DACH1: variants seen among roughly 807,000 people sequenced by gnomAD.
The protein encoded by DACH1 is dachshund family transcription factor 1, also known as dachshund homolog 1.
Under a neutral mutation model 54.2 loss-of-function variants are expected in DACH1, and 12 were observed. The observed-to-expected ratio is 0.22, with a 90% CI of 0.14 to 0.36. The LOEUF (loss-of-function observed/expected upper bound fraction) is 0.36, where lower values mean the gene tolerates loss of function less well. Ranked by LOEUF, DACH1 falls within the 10% of genes least tolerant of loss-of-function variation. The pLI, the probability that DACH1 is intolerant of heterozygous loss-of-function variation, is 1.00. For missense variants in DACH1, 805 were observed against 929.8 expected, an observed-to-expected ratio of 0.87 and a Z score of 1.75; for synonymous variants, 386 against 366.2, an observed-to-expected ratio of 1.05 and a Z score of -0.62.
chr13:71,780,255 G>A (rs1281742778), intron 1 of DACH1, among the ~76,000 whole-genome samples: 4 of 152,018 alleles, frequency 2.6e-5, no homozygotes, highest in African/African-American at 9.7e-5. Context: ...AGGGAACTGA[G>A]GAAGGTTCAG....
At chr13:71,862,172 T>G (rs1029641163) in intron 1 of DACH1, among the ~76,000 whole-genome samples, 1 of 151,918 alleles carries the variant, frequency 6.6e-6, no homozygotes, top group African/African-American at 2.4e-5. Flanking sequence ...GTTTGAAAGA[T>G]CCTGAGAAAA....
At chr13:71,531,043 TA>T (rs1441019673) in intron 6 of DACH1, among the ~76,000 whole-genome samples, 1 of 152,052 alleles carries the variant, frequency 6.6e-6, no homozygotes, top group African/African-American at 2.4e-5. Context: ...AACATATATA[TA>T]ACTATATCAA....
In DACH1 at chr13:71,438,642, C is replaced by T. The variant is rs1268080956; in HGVS notation, c.*2013G>A. 1 of 152,372 alleles carries T rather than the reference C, an allele frequency of 6.6e-6. No homozygotes were observed. The highest frequency in any genetic ancestry group is 1.5e-5 in the Non-Finnish European group (1 of 67,874). 9.4% of individuals were successfully genotyped at this position (152,372 alleles called of 1,614,324 possible). A position where few individuals can be genotyped will look rare whatever the true frequency, so the allele number is the denominator to read the frequency against. On this transcript the variant is annotated 3_prime_UTR_variant, in exon 11 of 11. Coordinates refer to ENST00000613252, the MANE Select transcript of DACH1 (RefSeq NM_080759.6). ...GCCAGGAGCAGAGCAATGGCTGATT[C>T]TACTACATATGTAAGTTGTAGGCTT...
At chr13:71,590,251 C>T (rs901581864) in intron 3 of DACH1, among the ~76,000 whole-genome samples, 1 of 152,078 alleles carries the variant, frequency 6.6e-6, no homozygotes, top group African/African-American at 2.4e-5. Flanking sequence ...GTCTCTATAT[C>T]ATGAATCTAA....
rs199997629 is a variant in DACH1, at chr13:71,735,547, G to A, written c.849-53637C>T. 2.5e-4 allele frequency among the ~76,000 whole-genome samples: 32 copies of A among 126,286 alleles called. 2 individuals are homozygous for A. In the East Asian group the frequency reaches 2.6e-3, roughly 10 times the overall value. 82.8% of individuals were successfully genotyped at this position (126,286 alleles called of 152,430 possible). On this transcript the variant is annotated intron_variant, in intron 1 of 10. Coordinates refer to ENST00000613252, the MANE Select transcript of DACH1 (RefSeq NM_080759.6). ...GGATATACACGTATATGGGATATAC[G>A]TGTATATGGGATATACGTGTATATG... is the stretch of plus-strand genomic sequence containing the variant.
chr13:71,617,903 C>A (rs867155434), intron 3 of DACH1, among the ~76,000 whole-genome samples: 10 of 152,042 alleles, frequency 6.6e-5, no homozygotes, highest in South Asian at 2.1e-4. Context: ...TAGCAGTAGC[C>A]TTTTAAAATA....
At chr13:71,535,460 G>T (rs777796581) in intron 6 of DACH1, among the ~76,000 whole-genome samples, 4 of 151,788 alleles carry the variant, frequency 2.6e-5, no homozygotes, top group Admixed American at 2.0e-4. Context: ...CACAAATTTG[G>T]TCATGAAATA....
chr13:71,757,107 T>C (rs1885199556), intron 1 of DACH1, among the ~76,000 whole-genome samples: 2 of 152,234 alleles, frequency 1.3e-5, no homozygotes, highest in African/African-American at 2.4e-5. Flanking sequence ...GGGCTTATTA[T>C]TGACATAAAG....
At chr13:71,679,197 C>T (rs1185443323) in intron 2 of DACH1, among the ~76,000 whole-genome samples, 3 of 152,082 alleles carry the variant, frequency 2.0e-5, no homozygotes, top group Admixed American at 2.0e-4. Flanking sequence ...AAAGTATCTT[C>T]GGTGTCTCTG....
At chr13:71,555,986 GA>G (rs1353368578) in intron 6 of DACH1, among the ~76,000 whole-genome samples, 1 of 152,048 alleles carries the variant, frequency 6.6e-6, no homozygotes, top group Non-Finnish European at 1.5e-5. Flanking sequence ...CTAATTTGTA[GA>G]AATATACTCC....
rs148824219 is a variant in DACH1 at position 71,634,824 on chromosome 13, C to T, written c.965-4107G>A. ...TAGCTCAGCCCTAGCATCTGAGATT[C>T]TGAATCATCAGGTCTGGTTTGAGGC... is the stretch of plus-strand genomic sequence containing the variant. On this transcript the variant is annotated intron_variant, in intron 2 of 10. Coordinates refer to ENST00000613252, the MANE Select transcript of DACH1 (RefSeq NM_080759.6). Among the ~76,000 whole-genome samples, 41 of 152,288 alleles carry T rather than the reference C, an allele frequency of 2.7e-4. 1 individual carries two copies. The East Asian group carries it at 6.4e-3, about 24-fold the overall frequency.
At chr13:71,730,293 C>T (rs1338944049) in intron 1 of DACH1, among the ~76,000 whole-genome samples, 1 of 152,044 alleles carries the variant, frequency 6.6e-6, no homozygotes, top group Non-Finnish European at 1.5e-5. Context: ...CCTGGGGCTA[C>T]CAGCCTATTC....
In DACH1 at chr13:71,781,390, ATTTT is replaced by A. The variant is rs1555322402; in HGVS notation, c.848+84528_848+84531del. Among the ~76,000 whole-genome samples the A allele has an allele frequency of 4.8e-5, 6 of 126,172 alleles. No homozygotes were observed. The East Asian group carries it at 1.0e-3, about 22-fold the overall frequency. The allele number at this position is 126,172 out of a possible 152,430, so 82.8% of individuals were successfully genotyped here. ...TATTTATTTATTTATTTATTTATTT[ATTTT>A]TTGAGACGGAGTCTAGCTCTGTCAC... On this transcript the variant is annotated intron_variant, in intron 1 of 10. Coordinates refer to ENST00000613252, the MANE Select transcript of DACH1 (RefSeq NM_080759.6).
At chr13:71,586,203 G>A (rs1010606987) in intron 3 of DACH1, among the ~76,000 whole-genome samples, 1 of 152,086 alleles carries the variant, frequency 6.6e-6, no homozygotes, top group Admixed American at 6.6e-5. Flanking sequence ...TCAACAATGT[G>A]GAGTTCTTAT....
At chr13:71,590,454 G>T (rs2138458477) in intron 3 of DACH1, among the ~76,000 whole-genome samples, 1 of 152,272 alleles carries the variant, frequency 6.6e-6, no homozygotes, top group African/African-American at 2.4e-5. Context: ...ATTAAAATTT[G>T]ATGGATAAAT....
chr13:71,614,355 A>G (rs540797782), intron 3 of DACH1, among the ~76,000 whole-genome samples: 3 of 152,308 alleles, frequency 2.0e-5, no homozygotes, highest in Admixed American at 2.0e-4. Context: ...TAGTTTCAAG[A>G]GAATGGATGT....
intron 3 of DACH1, among the ~76,000 whole-genome samples, chr13:71,613,837 G>A (rs1424754555): frequency 6.6e-6 from 1 of 152,014 alleles, no homozygotes; most frequent in Non-Finnish European, 1.5e-5. Context: ...TCGACCTCCC[G>A]AGTTGCTGGG....
intron 1 of DACH1, among the ~76,000 whole-genome samples, chr13:71,762,371 T>C (rs1885434914): frequency 6.6e-6 from 1 of 152,186 alleles, no homozygotes; most frequent in African/African-American, 2.4e-5. Context: ...GGATTTACTC[T>C]ACAACTGAAC....
In DACH1 at chr13:71,557,180, C is replaced by T. The variant is rs189440462; in HGVS notation, c.1436-22G>A. Reference sequence around the variant, plus strand: ...ACCGCTATTATGGCCCAAAAGAAAACAAACAAAACAAAACACAAAAACACC... The same window carrying T: ...ACCGCTATTATGGCCCAAAAGAAAATAAACAAAACAAAACACAAAAACACC... On this transcript the variant is annotated intron_variant, in intron 5 of 10. Transcript: ENST00000613252. 3.0e-5 allele frequency: 48 copies of T among 1,585,966 alleles called. No individual in the cohort carries two copies. The Admixed American group carries it at 5.4e-4, about 18-fold the overall frequency.
Sources: allele counts gnomAD v4.1 joint callset (sites outside exome capture counted in the v4.1 genomes callset), GRCh38; gene constraint gnomAD v4.1.1; transcripts MANE v1.5; gene names NCBI Gene and HGNC (gene_info 2026-07-23, HGNC 2026-07-21).